ACVR1: variants seen among roughly 807,000 people sequenced by gnomAD.
The protein encoded by ACVR1 is activin A receptor type 1.
In ACVR1, 38 loss-of-function variants were observed where a neutral mutation model predicts 57.1. That is an observed-to-expected ratio of 0.67 (90% CI 0.51 to 0.87). The LOEUF is 0.87. Among genes scored for constraint, ACVR1 ranks in the 40% least tolerant of loss-of-function variants. The pLI is 0.00. For synonymous variants in ACVR1, 212 were observed against 228.1 expected (o/e 0.93, Z 0.63); for missense variants, 463 against 638.2 (o/e 0.73, Z 2.96).
intron 9 of ACVR1, among the ~76,000 whole-genome samples, chr2:157,744,676 G>A (rs1181045216): frequency 6.6e-6 from 1 of 152,160 alleles, no homozygotes; most frequent in Non-Finnish European, 1.5e-5. Flanking sequence ...CATTCTTCCT[G>A]GTGAGACATG....
intron 3 of ACVR1, among the ~76,000 whole-genome samples, chr2:157,785,872 C>T (rs1276848154): frequency 6.6e-6 from 1 of 152,200 alleles, no homozygotes; most frequent in African/African-American, 2.4e-5. Context: ...TTCAGATACA[C>T]AAGCCTGACT....
At chr2:157,798,311 A>G (rs1047915120) in intron 3 of ACVR1, among the ~76,000 whole-genome samples, 1 of 152,128 alleles carries the variant, frequency 6.6e-6, no homozygotes, top group Non-Finnish European at 1.5e-5. Flanking sequence ...TAATTCTACC[A>G]AAATCTGTTC....
Position 157,807,508 on chromosome 2 carries a change from C to T in ACVR1, c.-7-8008G>A, listed in dbSNP as rs935082. ...TCTCCCTGCTATTTTGCTACATTCT[C>T]CAACGCAGCTCACAGCTCACTCCCT... On this transcript the variant is annotated intron_variant, in intron 2 of 10. Transcript: ENST00000434821. 7.9e-5 allele frequency among the ~76,000 whole-genome samples: 12 copies of T among 152,198 alleles called. 1 individual carries two copies. The highest frequency in any genetic ancestry group is 4.1e-4 in the South Asian group (2 of 4,820).
chr2:157,771,457 G>A (rs566937539), intron 6 of ACVR1, among the ~76,000 whole-genome samples: 1 of 152,238 alleles, frequency 6.6e-6, no homozygotes, highest in Admixed American at 6.5e-5. Flanking sequence ...GGAGGAGGAG[G>A]TAATTACCAC....
In ACVR1 at chr2:157,764,372, T is replaced by C. The variant is rs536553504; in HGVS notation, c.1066+1549A>G. On this transcript the variant is annotated intron_variant, in intron 8 of 10. Coordinates refer to ENST00000434821, the MANE Select transcript of ACVR1 (RefSeq NM_001111067.4). ...TATTATTATTATTTTTCTTTTTTTT[T>C]TTTTTTTGTATTTTTAGTAGAGATG... Among the ~76,000 whole-genome samples, 8 of 150,498 alleles carry C rather than the reference T, an allele frequency of 5.3e-5. No homozygotes were observed. In the South Asian group the frequency reaches 1.7e-3, roughly 32 times the overall value.
chr2:157,769,638 C>T (rs1686000762), intron 7 of ACVR1, among the ~76,000 whole-genome samples: 1 of 152,164 alleles, frequency 6.6e-6, no homozygotes, highest in Non-Finnish European at 1.5e-5. Context: ...ATCCAATAGC[C>T]ATAAGGTGGC....
chr2:157,794,455 AT>A (rs2105299110), intron 3 of ACVR1, among the ~76,000 whole-genome samples: 1 of 152,288 alleles, frequency 6.6e-6, no homozygotes, highest in South Asian at 2.1e-4. Flanking sequence ...AACAGACTGG[AT>A]CGAGCTGGAT....
chr2:157,820,968 TG>T (rs1247573844), intron 1 of ACVR1, among the ~76,000 whole-genome samples: 1 of 152,210 alleles, frequency 6.6e-6, no homozygotes, highest in East Asian at 1.9e-4. Context: ...TAAAATTCAT[TG>T]GACTCTCAAA....
At chr2:157,864,745 T>C (rs751353244) in intron 1 of ACVR1, among the ~76,000 whole-genome samples, 25 of 152,238 alleles carry the variant, frequency 1.6e-4, no homozygotes, top group Admixed American at 6.5e-4. Flanking sequence ...CTACCTCTTA[T>C]GGTCTGTTCC....
chr2:157,743,412 C>A (rs1684851315), intron 9 of ACVR1, among the ~76,000 whole-genome samples: 1 of 151,994 alleles, frequency 6.6e-6, no homozygotes, highest in South Asian at 2.1e-4. Flanking sequence ...AATGTGAGCA[C>A]CTTTAAATCG....
At chr2:157,853,777 C>A (rs1689408263) in intron 1 of ACVR1, among the ~76,000 whole-genome samples, 1 of 152,230 alleles carries the variant, frequency 6.6e-6, no homozygotes, top group African/African-American at 2.4e-5. Flanking sequence ...TACAGTTCAA[C>A]TAAACTACCT....
At chr2:157,797,122 A>G (rs558122787) in intron 3 of ACVR1, among the ~76,000 whole-genome samples, 27 of 152,340 alleles carry the variant, frequency 1.8e-4, no homozygotes, top group Middle Eastern at 6.8e-3. Context: ...CATTTACAGC[A>G]TATTTCCACT....
At chr2:157,821,329 C>T (rs2105332723) in intron 1 of ACVR1, among the ~76,000 whole-genome samples, 1 of 152,202 alleles carries the variant, frequency 6.6e-6, no homozygotes, top group African/African-American at 2.4e-5. Flanking sequence ...AGTTCAAGAC[C>T]AGCCTGGCTG....
chr2:157,796,987 T>C (rs1204333833), intron 3 of ACVR1, among the ~76,000 whole-genome samples: 1 of 152,208 alleles, frequency 6.6e-6, no homozygotes, highest in East Asian at 1.9e-4. Context: ...AAATGGTCTA[T>C]AACAGCACTG....
At chr2:157,873,079 G>C (rs1478970883) in intron 1 of ACVR1, among the ~76,000 whole-genome samples, 1 of 152,104 alleles carries the variant, frequency 6.6e-6, no homozygotes, top group Non-Finnish European at 1.5e-5. Context: ...GATGTCTTTA[G>C]GTTCTTTTCT....
chr2:157,757,907 G>T (rs975129349), intron 9 of ACVR1, among the ~76,000 whole-genome samples: 1 of 151,010 alleles, frequency 6.6e-6, no homozygotes, highest in East Asian at 1.9e-4. Context: ...AACAGTAAAA[G>T]GAGAAGAAAT....
chr2:157,742,392 G>A (rs1455990330), intron 9 of ACVR1, among the ~76,000 whole-genome samples: 2 of 152,206 alleles, frequency 1.3e-5, no homozygotes, highest in Admixed American at 1.3e-4. Context: ...ATGGTGGCCA[G>A]GGACGGAACA....
intron 1 of ACVR1, among the ~76,000 whole-genome samples, chr2:157,835,940 G>A (rs752129856): frequency 3.3e-5 from 5 of 152,156 alleles, no homozygotes; most frequent in African/African-American, 7.2e-5. Flanking sequence ...CAATATGGAC[G>A]CAGACAAGCA....
At chr2:157,813,378 T>A (rs1296163354) in intron 2 of ACVR1, among the ~76,000 whole-genome samples, 2 of 152,250 alleles carry the variant, frequency 1.3e-5, no homozygotes, top group East Asian at 3.8e-4. Flanking sequence ...CTAGCCAATA[T>A]GGCAGAGACT....
Sources: allele counts gnomAD v4.1 joint callset (sites outside exome capture counted in the v4.1 genomes callset), GRCh38; gene constraint gnomAD v4.1.1; transcripts MANE v1.5; gene names NCBI Gene and HGNC (gene_info 2026-07-23, HGNC 2026-07-21).